IRGM: variants seen among roughly 807,000 people sequenced by gnomAD.
The protein encoded by IRGM is immunity-related GTPase family M protein.
For missense variants in IRGM, 288 were observed against 219.9 expected, an observed-to-expected ratio of 1.31 and a Z score of -1.96; for synonymous variants, 98 against 80.6, an observed-to-expected ratio of 1.22 and a Z score of -1.16.
intron 3 of IRGM, chr5:150,898,526 A>G: frequency 6.2e-7 from 1 of 1,612,656 alleles, no homozygotes. Flanking sequence ...GGTGAAATCC[A>G]CAGCCACATC....
At chr5:150,858,452 A>G (rs1754089169) in intron 1 of IRGM, among the ~76,000 whole-genome samples, 2 of 152,142 alleles carry the variant, frequency 1.3e-5, no homozygotes, top group South Asian at 4.1e-4. Context: ...GTTTTTTCCA[A>G]TTCTGCGAAG....
At chr5:150,855,344 T>A (rs922735006) in intron 1 of IRGM, among the ~76,000 whole-genome samples, 1 of 152,196 alleles carries the variant, frequency 6.6e-6, no homozygotes. Context: ...AATTTTCTCA[T>A]TTTTTTCTTT....
chr5:150,887,947 A>C lies in IRGM; in HGVS notation c.*140+8301A>C, dbSNP rs184217067. 9.9e-5 allele frequency among the ~76,000 whole-genome samples: 15 copies of C among 152,156 alleles called. No homozygotes were observed. In the East Asian group the frequency reaches 2.9e-3, roughly 29 times the overall value. On this transcript the variant is annotated intron_variant and NMD_transcript_variant, in intron 3 of 3. Coordinates refer to the IRGM transcript ENST00000520549. Reference sequence around the variant, plus strand: ...GCTAAGAGCACAATGACACACATCAACAATAACCTTGAATGTAAATGGGCT... The same window carrying C: ...GCTAAGAGCACAATGACACACATCACCAATAACCTTGAATGTAAATGGGCT...
chr5:150,895,140 A>G (rs1417833776), intron 3 of IRGM: 2 of 287,084 alleles, frequency 7.0e-6, no homozygotes, highest in African/African-American at 4.4e-5. Flanking sequence ...ATTTTGTAGT[A>G]TAAGGAATAT....
At chr5:150,890,559 T>C (rs1754594008) in intron 3 of IRGM, among the ~76,000 whole-genome samples, 2 of 98,108 alleles carry the variant, frequency 2.0e-5, no homozygotes, top group South Asian at 6.6e-4. Context: ...AACTGATTCA[T>C]TGAGACTTTT....
chr5:150,867,220 A>G (rs1754220364), intron 1 of IRGM, among the ~76,000 whole-genome samples: 1 of 152,322 alleles, frequency 6.6e-6, no homozygotes, highest in East Asian at 1.9e-4. Context: ...CTTCACTGCC[A>G]CTTATAAGTG....
At chr5:150,890,628 G>C (rs1255549763) in intron 3 of IRGM, among the ~76,000 whole-genome samples, 5 of 151,830 alleles carry the variant, frequency 3.3e-5, no homozygotes, top group Non-Finnish European at 5.9e-5. Flanking sequence ...CTACTTTACG[G>C]ACATTTCACA....
At chr5:150,896,024 T>G (rs748667386) in intron 3 of IRGM, 8 of 1,613,388 alleles carry the variant, frequency 5.0e-6, no homozygotes, top group Non-Finnish European at 5.9e-6. Context: ...ACGGCTTCTC[T>G]CCAGTATGAG....
intron 3 of IRGM, among the ~76,000 whole-genome samples, chr5:150,892,209 G>GT (rs34123150): frequency 1.2e-3 from 180 of 146,904 alleles, no homozygotes; most frequent in African/African-American, 2.1e-3. Context: ...TTTTTATGGA[G>GT]TTTTTTTTTT....
At chr5:150,898,070 C>T in intron 3 of IRGM, 1 of 1,610,356 alleles carries the variant, frequency 6.2e-7, no homozygotes, top group East Asian at 2.2e-5. Flanking sequence ...CCCTTGTCTC[C>T]CATCTGCCTG....
chr5:150,870,551 A>G (rs1754269293), intron 1 of IRGM, among the ~76,000 whole-genome samples: 1 of 149,866 alleles, frequency 6.7e-6, no homozygotes, highest in African/African-American at 2.5e-5. Context: ...CTTTCAGCAC[A>G]AGGAAGGCAA....
At chr5:150,861,844 T>G (rs1023064239) in intron 1 of IRGM, among the ~76,000 whole-genome samples, 11 of 152,226 alleles carry the variant, frequency 7.2e-5, no homozygotes, top group African/African-American at 2.7e-4. Context: ...GATTGAATTA[T>G]TTGAAAAAAA....
At chr5:150,867,530 C>T (rs1407177276) in intron 1 of IRGM, among the ~76,000 whole-genome samples, 2 of 152,112 alleles carry the variant, frequency 1.3e-5, no homozygotes, top group East Asian at 3.8e-4. Context: ...GGTAGATCTA[C>T]TTTTAGTTCT....
At chr5:150,889,489 G>A (rs1012961540) in intron 3 of IRGM, among the ~76,000 whole-genome samples, 4 of 152,036 alleles carry the variant, frequency 2.6e-5, no homozygotes, top group African/African-American at 4.8e-5. Flanking sequence ...TACAATTCAC[G>A]ATGAGATTTG....
At chr5:150,869,165 C>T (rs1754247050) in intron 1 of IRGM, among the ~76,000 whole-genome samples, 1 of 152,110 alleles carries the variant, frequency 6.6e-6, no homozygotes, top group African/African-American at 2.4e-5. Context: ...CCTTTCTATG[C>T]TGATTTTGTT....
At chr5:150,854,172 C>G (rs1181443350) in intron 1 of IRGM, among the ~76,000 whole-genome samples, 3 of 152,062 alleles carry the variant, frequency 2.0e-5, no homozygotes, top group Non-Finnish European at 4.4e-5. Context: ...ACCAACTTGA[C>G]TTCAATTGCA....
chr5:150,872,623 TC>T (rs1754302054), intron 1 of IRGM, among the ~76,000 whole-genome samples: 3 of 152,156 alleles, frequency 2.0e-5, no homozygotes, highest in Admixed American at 2.0e-4. Context: ...TAGAGGTTGA[TC>T]AGGCTGAATT....
rs1312434965 is a variant in IRGM, at chr5:150,848,079, G to A, written c.-45G>A. On this transcript the variant is annotated 5_prime_UTR_variant, in exon 2 of 2. Transcript: ENST00000522154. ...GCCTTCCAAAGTGCTGGGATTACAG[G>A]CATGAGCCACGGCGCCTGGCCAGCA... 7.5e-6 allele frequency: 11 copies of A among 1,468,488 alleles called. No homozygotes were observed. The highest frequency in any genetic ancestry group is 1.0e-5 in the Non-Finnish European group (11 of 1,092,644). 91.0% of individuals were successfully genotyped at this position (1,468,488 alleles called of 1,614,324 possible).
Position 150,876,070 on chromosome 5 carries a change from G to A in IRGM, c.159-1910G>A, listed in dbSNP as rs140988592. 2.7e-3 allele frequency among the ~76,000 whole-genome samples: 405 copies of A among 152,320 alleles called. 2 individuals are homozygous for A. Among genetic ancestry groups the A allele is most frequent in the African/African-American group, 9.4e-3 (389 of 41,576 alleles). ...TTTACGGCTAAAGAAGTGTGGCACTGTGCTCATACTCATGGAATTCACTGG... is the reference window on the plus strand; with the variant it reads ...TTTACGGCTAAAGAAGTGTGGCACTATGCTCATACTCATGGAATTCACTGG... On this transcript the variant is annotated intron_variant and NMD_transcript_variant, in intron 1 of 3. Transcript: ENST00000520549.
Sources: allele counts gnomAD v4.1 joint callset (sites outside exome capture counted in the v4.1 genomes callset), GRCh38; gene constraint gnomAD v4.1.1; transcripts MANE v1.5; gene names NCBI Gene and HGNC (gene_info 2026-07-23, HGNC 2026-07-21).